The following MAP4 variants were observed in gnomAD, a reference collection of about 807,000 sequenced individuals.
MAP4 encodes the protein microtubule associated protein 4.
A neutral mutation model predicts 170.2 loss-of-function variants in MAP4; 76 were observed. The ratio of observed to expected loss-of-function variants is 0.45; its 90% CI spans 0.37 to 0.54. The LOEUF is 0.54. Ranked by LOEUF, MAP4 falls within the 20% of genes least tolerant of loss-of-function variation. MAP4 has a pLI of 0.00. For missense variants in MAP4, 2,506 were observed against 2,748.0 expected (o/e 0.91, Z 1.97); for synonymous variants, 909 against 994.5 (o/e 0.91, Z 1.62).
In MAP4 at chr3:48,074,111, T is replaced by C. The variant is rs191631481; in HGVS notation, c.-20+14662A>G. On this transcript the variant is annotated intron_variant, in intron 1 of 18. Transcript: ENST00000360240. Reference sequence around the variant, plus strand: ...AAGAAAATGTGGCACATATACACCATGGAACACTATGCAGCCATAAAAAAG... The same window carrying C: ...AAGAAAATGTGGCACATATACACCACGGAACACTATGCAGCCATAAAAAAG... 5.6e-3 allele frequency among the ~76,000 whole-genome samples: 856 copies of C among 152,064 alleles called. 2 individuals carry two copies. Among genetic ancestry groups the C allele is most frequent in the Non-Finnish European group, 8.6e-3 (585 of 67,982 alleles).
In MAP4 at chr3:47,918,812, G is replaced by A. The variant is rs1223199195; in HGVS notation, c.559C>T (p.Pro187Ser). The change falls in exon 6 of 21, where the codon CCT becomes TCT. Residue 187 changes from proline (P) to serine (S), a missense_variant. Transcript: ENST00000683076. Reference protein sequence around the residue: ...GMSPCNTAVVPQGWSVEALNS... With the variant: ...GMSPCNTAVVSQGWSVEALNS... ...AAGGCTTCCACAGACCACCCCTGAG[G>A]TACAACAGCTGTGTTGCAGGGAGAC... 1.2e-6 allele frequency: 2 copies of A among 1,612,934 alleles called. No individual in the cohort carries two copies. Among genetic ancestry groups the A allele is most frequent in the African/African-American group, 2.7e-5 (2 of 74,858 alleles).
chr3:47,918,294 A>G (rs936653779), intron 6 of MAP4, among the ~76,000 whole-genome samples: 1 of 151,974 alleles, frequency 6.6e-6, no homozygotes, highest in Admixed American at 6.6e-5. Flanking sequence ...CAATTTTTGT[A>G]TTTTTTGTAG....
chr3:47,916,137 G>A lies in MAP4; in HGVS notation c.1690C>T (p.Leu564=). ...GGAGTCACATTGTTGGCCAGGGTCA[G>A]AACCCCATCCTTAGCCAGGGGTGCT... ...TEAPLAKDGV[L]TLANNVTPAK... Residue 564 remains leucine, a synonymous_variant, in exon 7 of 21, where the codon CTG becomes TTG. Coordinates refer to ENST00000683076, the MANE Select transcript of MAP4 (RefSeq NM_001385682.1). 1 of 1,614,222 alleles carries A rather than the reference G, an allele frequency of 6.2e-7. No individual in the cohort carries two copies. The highest frequency in any genetic ancestry group is 8.5e-7 in the Non-Finnish European group (1 of 1,180,044).
intron 1 of MAP4, among the ~76,000 whole-genome samples, chr3:48,007,387 G>A (rs1181599089): frequency 1.3e-5 from 2 of 152,180 alleles, no homozygotes; most frequent in African/African-American, 4.8e-5. Context: ...GAAGCAACAC[G>A]TTCCTCATTT....
At chr3:47,997,369 A>T (rs535710503) in intron 2 of MAP4, among the ~76,000 whole-genome samples, 2 of 150,548 alleles carry the variant, frequency 1.3e-5, no homozygotes, top group East Asian at 3.9e-4. Flanking sequence ...AGGCAGACAC[A>T]AAGAGGAATT....
At chr3:48,045,988 T>C (rs77335159) in intron 1 of MAP4, among the ~76,000 whole-genome samples, 1 of 150,896 alleles carries the variant, frequency 6.6e-6, no homozygotes, top group East Asian at 1.9e-4. Context: ...TCACTTCTTT[T>C]TTTTTTTTTT....
chr3:47,975,288 C>T (rs1343385294), intron 3 of MAP4: 1 of 1,481,902 alleles, frequency 6.7e-7, no homozygotes, highest in African/African-American at 1.4e-5. Context: ...AGGTTGTTTG[C>T]TCAGGCATCA....
chr3:48,075,239 T>G (rs1202402580), intron 1 of MAP4, among the ~76,000 whole-genome samples: 2 of 152,146 alleles, frequency 1.3e-5, no homozygotes, highest in East Asian at 3.9e-4. Flanking sequence ...GAATTGAAAG[T>G]CCAGGCCGGG....
intron 3 of MAP4, among the ~76,000 whole-genome samples, chr3:47,941,157 C>T (rs916754706): frequency 2.1e-5 from 3 of 140,674 alleles, no homozygotes; most frequent in Non-Finnish European, 4.5e-5. Flanking sequence ...GGGATTACAG[C>T]GCCTGGCCAG....
intron 5 of MAP4, 142 bp from the exon 6 acceptor site, chr3:47,918,983 G>A (rs1238413184): frequency 8.8e-6 from 5 of 569,436 alleles, no homozygotes; most frequent in African/African-American, 3.8e-5. Flanking sequence ...CGCAGACAGA[G>A]TGAAGTGGCG....
intron 3 of MAP4, among the ~76,000 whole-genome samples, chr3:47,971,075 T>C (rs909958173): frequency 6.6e-6 from 1 of 152,248 alleles, no homozygotes; most frequent in Non-Finnish European, 1.5e-5. Flanking sequence ...TCTGTATTTT[T>C]ATTAGAAAAC....
chr3:48,078,209 T>C (rs1253234234), intron 1 of MAP4, among the ~76,000 whole-genome samples: 7 of 152,100 alleles, frequency 4.6e-5, no homozygotes, highest in Middle Eastern at 3.2e-3. Flanking sequence ...TGCACGATCA[T>C]GGCTCACTGC....
intron 10 of MAP4, among the ~76,000 whole-genome samples, chr3:47,897,271 C>T (rs1308938187): frequency 6.6e-6 from 1 of 152,022 alleles, no homozygotes; most frequent in African/African-American, 2.4e-5. Context: ...GGATTACAGG[C>T]CCACACCACC....
chr3:48,070,884 A>T lies in MAP4; in HGVS notation c.-20+17889T>A, dbSNP rs184578342. Among the ~76,000 whole-genome samples the T allele has an allele frequency of 3.8e-3, 569 of 150,822 alleles. 4 individuals are homozygous for T. The highest frequency in any genetic ancestry group is 0.013 in the African/African-American group (533 of 41,124). On this transcript the variant is annotated intron_variant, in intron 1 of 18. Transcript: ENST00000360240. Reference sequence around the variant, plus strand: ...CAAAAACTTAGCCAGGTCCAGGTCCATATGGTGGTGAGCGCCTGTAGTCCT... The same window carrying T: ...CAAAAACTTAGCCAGGTCCAGGTCCTTATGGTGGTGAGCGCCTGTAGTCCT...
intron 1 of MAP4, among the ~76,000 whole-genome samples, chr3:48,087,909 C>T (rs1463917899): frequency 6.6e-6 from 1 of 152,132 alleles, no homozygotes; most frequent in Non-Finnish European, 1.5e-5. Context: ...GTAACACTAA[C>T]CTTCGCGAGG....
rs978739530 is a variant in MAP4, at chr3:47,851,681, G to A, written c.*1253C>T. 6.6e-6 allele frequency: 1 copy of A among 152,282 alleles called. No homozygotes were observed. Among genetic ancestry groups the A allele is most frequent in the Non-Finnish European group, 1.5e-5 (1 of 68,064 alleles). 9.4% of individuals were successfully genotyped at this position (152,282 alleles called of 1,614,324 possible). On this transcript the variant is annotated 3_prime_UTR_variant, in exon 21 of 21. Coordinates refer to ENST00000683076, the MANE Select transcript of MAP4 (RefSeq NM_001385682.1). The stretch of plus-strand genomic sequence containing the variant: ...CTCACTGCAGCCATCCCAAGGCCTA[G>A]CTGGGATGCCCTCTGTGGGCCTTGC...
At chr3:47,904,918 C>A (rs776943780) in intron 9 of MAP4, among the ~76,000 whole-genome samples, 36 of 152,172 alleles carry the variant, frequency 2.4e-4, no homozygotes, top group Non-Finnish European at 4.9e-4. Context: ...GATTTGCCTA[C>A]CTCAGCCTCC....
At chr3:48,038,041 G>A (rs773694164) in intron 1 of MAP4, among the ~76,000 whole-genome samples, 3 of 151,928 alleles carry the variant, frequency 2.0e-5, no homozygotes, top group Admixed American at 6.6e-5. Context: ...GGTGGCAGGC[G>A]TCTATAATCC....
rs984818639 is a variant in MAP4 at position 47,936,735 on chromosome 3, C to T, written c.293-8385G>A. Among the ~76,000 whole-genome samples, 9 of 152,096 alleles carry T rather than the reference C, an allele frequency of 5.9e-5. No individual in the cohort carries two copies. The South Asian group carries it at 1.9e-3, about 32-fold the overall frequency. ...GTGGCTGGCGCCTGTAATCCCAACA[C>T]TTTGGGAAGCCAAGGTAGGCAGATC... On this transcript the variant is annotated intron_variant, in intron 3 of 20. Coordinates refer to ENST00000683076, the MANE Select transcript of MAP4 (RefSeq NM_001385682.1).
Sources: allele counts gnomAD v4.1 joint callset (sites outside exome capture counted in the v4.1 genomes callset), GRCh38; gene constraint gnomAD v4.1.1; transcripts MANE v1.5; gene names NCBI Gene and HGNC (gene_info 2026-07-23, HGNC 2026-07-21).